The following AKAP8L variants were observed in gnomAD, a reference collection of about 807,000 sequenced individuals.
AKAP8L encodes the protein A-kinase anchor protein 8-like.
AKAP8L carries 34 observed loss-of-function variants against 77.5 expected under a neutral mutation model. The ratio of observed to expected loss-of-function variants is 0.44; its 90% CI spans 0.33 to 0.58. AKAP8L has a LOEUF of 0.58. Ranked by LOEUF, AKAP8L falls within the 20% of genes least tolerant of loss-of-function variation. The pLI is 0.02. For synonymous variants in AKAP8L, 342 were observed against 340.7 expected, an observed-to-expected ratio of 1.00 and a Z score of -0.04; for missense variants, 806 against 887.6, an observed-to-expected ratio of 0.91 and a Z score of 1.17.
At chr19:15,385,828 G>A (rs892735203) in intron 12 of AKAP8L, among the ~76,000 whole-genome samples, 1 of 151,314 alleles carries the variant, frequency 6.6e-6, no homozygotes, top group Non-Finnish European at 1.5e-5. Flanking sequence ...TGAACTCCTG[G>A]GCTCAAATGA....
At chr19:15,385,892 T>G (rs1047017047) in intron 12 of AKAP8L, among the ~76,000 whole-genome samples, 2 of 150,166 alleles carry the variant, frequency 1.3e-5, no homozygotes, top group Admixed American at 1.3e-4. Context: ...AGCCACTATA[T>G]CCAGCCAACT....
chr19:15,401,103 C>T lies in AKAP8L; in HGVS notation c.816+47G>A. 1 of 1,607,300 alleles carries T rather than the reference C, an allele frequency of 6.2e-7. No individual in the cohort carries two copies. Among genetic ancestry groups the T allele is most frequent in the East Asian group, 2.2e-5 (1 of 44,866 alleles). ...CATGGCACCCGGCCCTTAGCTCCGC[C>T]CCAGTGGGAACTAAGCTTCCCAGAG... On this transcript the variant is annotated intron_variant, in intron 5 of 13. Coordinates refer to ENST00000397410, the MANE Select transcript of AKAP8L (RefSeq NM_014371.4). The surrounding 1 kb of genome is among the most constrained non-coding windows in gnomAD (Gnocchi z 6.2).
At position 15,380,275 on chromosome 19, in the gene AKAP8L, G is replaced by T; in HGVS notation, c.1788C>A (p.Ala596=). Residue 596 remains alanine (A), a synonymous_variant, in exon 14 of 14, where the codon GCC becomes GCA. Transcript: ENST00000397410. Reference sequence around the variant, plus strand: ...GCGGTGGCGGCGACACGGCCCCGGGGGCTGGCTCTGGGGGCACGGGAGGCT... The same window carrying T: ...GCGGTGGCGGCGACACGGCCCCGGGTGCTGGCTCTGGGGGCACGGGAGGCT... ...PAQPPVPPEP[A]PGAVSPPPPP... 6.6e-7 allele frequency: 1 copy of T among 1,517,212 alleles called. No homozygotes were observed. Among genetic ancestry groups the T allele is most frequent in the Non-Finnish European group, 8.8e-7 (1 of 1,140,624 alleles). 94.0% of individuals were successfully genotyped at this position (1,517,212 alleles called of 1,614,324 possible).
At chr19:15,411,802 C>T (rs1222447452) in intron 1 of AKAP8L, among the ~76,000 whole-genome samples, 1 of 152,096 alleles carries the variant, frequency 6.6e-6, no homozygotes, top group African/African-American at 2.4e-5. Flanking sequence ...CCTGTACTCA[C>T]AGTACTTTGG....
chr19:15,391,457 CAAAAAA>C (rs1163781609), intron 12 of AKAP8L, among the ~76,000 whole-genome samples: 2 of 34,920 alleles, frequency 5.7e-5, no homozygotes, highest in African/African-American at 1.2e-4. Flanking sequence ...GACTCTGTCT[CAAAAAA>C]AAAAAAAAAA....
chr19:15,413,778 G>A (rs573793168), intron 1 of AKAP8L, among the ~76,000 whole-genome samples: 5 of 152,222 alleles, frequency 3.3e-5, no homozygotes, highest in Admixed American at 6.5e-5. Context: ...TTTAGGTAAT[G>A]TGATCTGTGA....
At position 15,414,739 on chromosome 19, in the gene AKAP8L, C is replaced by T. The variant is rs745344320; in HGVS notation, c.14-4145G>A. ...TCCTGACCTCGTGATCCGCCCACCT[C>T]GGCCTCCCAAAGTGCTGGGATTACA... On this transcript the variant is annotated intron_variant, in intron 1 of 13. Coordinates refer to ENST00000397410, the MANE Select transcript of AKAP8L (RefSeq NM_014371.4). 5.3e-5 allele frequency among the ~76,000 whole-genome samples: 8 copies of T among 152,252 alleles called. No individual in the cohort carries two copies. The East Asian group carries it at 7.8e-4, about 15-fold the overall frequency.
chr19:15,390,031 A>G (rs374642685), intron 12 of AKAP8L, among the ~76,000 whole-genome samples: 3 of 152,022 alleles, frequency 2.0e-5, no homozygotes, highest in African/African-American at 7.2e-5. Context: ...GACAGACACA[A>G]ATTACTAAAA....
intron 1 of AKAP8L, among the ~76,000 whole-genome samples, chr19:15,417,050 T>A (rs1968220022): frequency 6.6e-6 from 1 of 152,176 alleles, no homozygotes; most frequent in Admixed American, 6.5e-5. Flanking sequence ...TAATCATTAC[T>A]TTTTTAGCTT....
chr19:15,380,565 A>G lies in AKAP8L; in HGVS notation c.1584T>C (p.Ser528=). The change falls in exon 13 of 14, where the codon AGT becomes AGC. Residue 528 remains serine, a synonymous_variant. Coordinates refer to ENST00000397410, the MANE Select transcript of AKAP8L (RefSeq NM_014371.4). ...TGCTGATGAGCTTGTTGTTGAGAAT[A>G]CTGCGGGCCACCATGAGGGAGGACT... The part of the protein sequence containing the change: ...SKKSSLMVAR[S]ILNNKLISKK... The G allele has an allele frequency of 6.2e-7, 1 of 1,613,884 alleles. No homozygotes were observed. Among genetic ancestry groups the G allele is most frequent in the Admixed American group, 1.7e-5 (1 of 60,016 alleles).
intron 12 of AKAP8L, 141 bp from the exon 13 acceptor site, chr19:15,380,753 A>C: frequency 1.5e-6 from 1 of 677,748 alleles, no homozygotes; most frequent in Non-Finnish European, 2.6e-6. Context: ...GCCACTCCAC[A>C]AGCATGGAAC....
Position 15,401,094 on chromosome 19 carries a change from T to A in AKAP8L, c.817-51A>T. On this transcript the variant is annotated intron_variant, in intron 5 of 13. Coordinates refer to ENST00000397410, the MANE Select transcript of AKAP8L (RefSeq NM_014371.4). The surrounding 1 kb of genome is among the most constrained non-coding windows in gnomAD (Gnocchi z 6.2). ...GTCAGGGTGCATGGCACCCGGCCCT[T>A]AGCTCCGCCCCAGTGGGAACTAAGC... The A allele has an allele frequency of 6.2e-7, 1 of 1,607,786 alleles. No homozygotes were observed. The highest frequency in any genetic ancestry group is 1.1e-5 in the South Asian group (1 of 91,082).
chr19:15,408,576 AAAAGAAAG>A lies in AKAP8L; in HGVS notation c.88+1936_88+1943del, dbSNP rs55924978. Among the ~76,000 whole-genome samples the A allele has an allele frequency of 1.0e-3, 127 of 121,602 alleles. 1 individual carries two copies. Among genetic ancestry groups the A allele is most frequent in the African/African-American group, 1.5e-3 (53 of 34,214 alleles). The allele number at this position is 121,602 out of a possible 152,430, so 79.8% of individuals were successfully genotyped here. ...GAAACTCCATCTCAAAAAAAAAAAA[AAAAGAAAG>A]AAAGAAAGAAAGAAAGAGGCCGGGC... On this transcript the variant is annotated intron_variant, in intron 2 of 13. Coordinates refer to ENST00000397410, the MANE Select transcript of AKAP8L (RefSeq NM_014371.4).
At chr19:15,418,842 C>T (rs1402780249) in intron 1 of AKAP8L, 69 bp downstream of exon 1, 17 of 1,510,360 alleles carry the variant, frequency 1.1e-5, no homozygotes, top group Non-Finnish European at 1.5e-5. Flanking sequence ...GCGGGCAAGC[C>T]TGGTGCGGCA....
chr19:15,400,271 A>T, intron 8 of AKAP8L, 24 bp downstream of exon 8: 3 of 1,613,452 alleles, frequency 1.9e-6, no homozygotes, highest in Non-Finnish European at 2.5e-6. Flanking sequence ...CCGCCCTAGC[A>T]CCAGGCACCC....
At chr19:15,416,016 A>C (rs1968200856) in intron 1 of AKAP8L, among the ~76,000 whole-genome samples, 1 of 152,114 alleles carries the variant, frequency 6.6e-6, no homozygotes, top group African/African-American at 2.4e-5. Flanking sequence ...TTATAGAGAA[A>C]GGGTCTTGCT....
chr19:15,398,822 C>G lies in AKAP8L; in HGVS notation c.1157+480G>C, dbSNP rs1967829785. 19 of 1,016,688 alleles carry G rather than the reference C, an allele frequency of 1.9e-5. No individual in the cohort carries two copies. Among genetic ancestry groups the G allele is most frequent in the Non-Finnish European group, 2.1e-5 (18 of 849,132 alleles). The allele number at this position is 1,016,688 out of a possible 1,614,324, so 63.0% of individuals were successfully genotyped here. A position where few individuals can be genotyped will look rare whatever the true frequency, so the allele number is the denominator to read the frequency against. On this transcript the variant is annotated intron_variant, in intron 9 of 13. Coordinates refer to ENST00000397410, the MANE Select transcript of AKAP8L (RefSeq NM_014371.4). This position sits in a 1 kb window ranked among gnomAD's most constrained non-coding sequence, Gnocchi z 9.2. ...TGAAGGGCTCAGCCGCAGACAGGCC[C>G]GGCCTGACAGGGCCGGCGGGCAGGG...
At chr19:15,415,897 C>A (rs6512031) in intron 1 of AKAP8L, among the ~76,000 whole-genome samples, 2,341 of 149,372 alleles carry the variant, frequency 0.016, 45 homozygotes, top group African/African-American at 0.05. Flanking sequence ...AAAAAAAAAA[C>A]AAAAAAAAAA....
Position 15,403,762 on chromosome 19 carries a change from G to A in AKAP8L, c.122-47C>T. On this transcript the variant is annotated intron_variant, in intron 3 of 13. Transcript: ENST00000397410. The surrounding 1 kb of genome is among the most constrained non-coding windows in gnomAD (Gnocchi z 4.3). ...CAGACAGATGGTGGGGGCAGGCAGA[G>A]GGGAGGCAGACAGAGACAGAGACAA... is the stretch of plus-strand genomic sequence containing the variant. The A allele has an allele frequency of 6.9e-7, 1 of 1,440,570 alleles. No individual in the cohort carries two copies. Among genetic ancestry groups the A allele is most frequent in the Non-Finnish European group, 9.6e-7 (1 of 1,044,290 alleles). 89.2% of individuals were successfully genotyped at this position (1,440,570 alleles called of 1,614,324 possible).
Sources: gnomAD v4.1 joint callset for allele counts (sites outside exome capture counted in the v4.1 genomes callset) on GRCh38, gnomAD v4.1.1 for gene constraint, Gnocchi (gnomAD v3.1) non-coding constraint, MANE v1.5 for transcripts, NCBI Gene and HGNC (gene_info 2026-07-23, HGNC 2026-07-21) for gene names.